RBFOX1: variants seen among roughly 807,000 people sequenced by gnomAD.
The protein encoded by RBFOX1 is RNA binding protein fox-1 homolog 1.
RBFOX1 carries 8 observed loss-of-function variants against 57.7 expected under a neutral mutation model. That is an observed-to-expected ratio of 0.14 (90% CI 0.08 to 0.25). The LOEUF is 0.25. RBFOX1 is among the 10% of genes least tolerant of loss of function. RBFOX1 has a pLI of 1.00. For synonymous variants in RBFOX1, 326 were observed against 222.4 expected (o/e 1.47, Z -4.15); for missense variants, 611 against 548.5 (o/e 1.11, Z -1.14).
At chr16:7,309,508 C>T (rs569553106) in intron 4 of RBFOX1, among the ~76,000 whole-genome samples, 2 of 152,348 alleles carry the variant, frequency 1.3e-5, no homozygotes, top group South Asian at 4.1e-4. Flanking sequence ...CTGGCCGCTC[C>T]TGCCTTTGCC....
At chr16:7,453,767 A>T (rs1433633117) in intron 4 of RBFOX1, among the ~76,000 whole-genome samples, 1 of 152,178 alleles carries the variant, frequency 6.6e-6, no homozygotes, top group South Asian at 2.1e-4. Flanking sequence ...GAAACCACTG[A>T]CTGAAGTGTT....
chr16:6,231,755 C>A (rs2097462185), intron 1 of RBFOX1, among the ~76,000 whole-genome samples: 1 of 151,274 alleles, frequency 6.6e-6, no homozygotes, highest in Admixed American at 6.6e-5. Flanking sequence ...GTGCCATTCT[C>A]TGATGGCCTT....
intron 3 of RBFOX1, among the ~76,000 whole-genome samples, chr16:6,944,375 C>A (rs187317576): frequency 2.3e-5 from 3 of 132,328 alleles, no homozygotes; most frequent in African/African-American, 5.7e-5. Flanking sequence ...AGCCTGGCAA[C>A]AGAGCAAGAC....
chr16:7,594,388 G>C (rs1414957699), intron 7 of RBFOX1, among the ~76,000 whole-genome samples: 1 of 152,172 alleles, frequency 6.6e-6, no homozygotes, highest in Non-Finnish European at 1.5e-5. Context: ...ATTTCACCCA[G>C]TTTACAGTGA....
intron 3 of RBFOX1, among the ~76,000 whole-genome samples, chr16:6,863,333 A>C (rs1428135317): frequency 6.6e-6 from 1 of 152,086 alleles, no homozygotes; most frequent in Non-Finnish European, 1.5e-5. Flanking sequence ...GTAGAGACAA[A>C]ACGTGGCTCA....
At chr16:6,737,321 C>G (rs1742451698) in intron 3 of RBFOX1, among the ~76,000 whole-genome samples, 1 of 151,984 alleles carries the variant, frequency 6.6e-6, no homozygotes, top group African/African-American at 2.4e-5. Flanking sequence ...TTATAGATTT[C>G]TTGTTTAGAA....
chr16:5,848,850 G>A (rs1452885442), intron 3 of RBFOX1, among the ~76,000 whole-genome samples: 2 of 152,124 alleles, frequency 1.3e-5, no homozygotes. Context: ...TTGGGAGGCT[G>A]AGGCAGGAGA....
chr16:7,298,403 G>C (rs1005639336), intron 4 of RBFOX1, among the ~76,000 whole-genome samples: 4 of 149,358 alleles, frequency 2.7e-5, no homozygotes, highest in East Asian at 4.0e-4. Context: ...ATTCTCATGC[G>C]TCTGCCTCCC....
At chr16:7,223,867 A>C (rs2092914919) in intron 4 of RBFOX1, among the ~76,000 whole-genome samples, 1 of 151,896 alleles carries the variant, frequency 6.6e-6, no homozygotes, top group Non-Finnish European at 1.5e-5. Flanking sequence ...AAAAACCATA[A>C]ATCTGTTATG....
intron 3 of RBFOX1, among the ~76,000 whole-genome samples, chr16:6,961,034 T>A (rs11861457): frequency 6.8e-6 from 1 of 147,272 alleles, no homozygotes; most frequent in Non-Finnish European, 1.5e-5. Context: ...GTCCAGCTAC[T>A]CAGGAGGCTG....
At chr16:7,057,338 A>C (rs183058153) in intron 4 of RBFOX1, among the ~76,000 whole-genome samples, 4 of 152,312 alleles carry the variant, frequency 2.6e-5, no homozygotes, top group African/African-American at 9.6e-5. Flanking sequence ...CCTCCCAGGA[A>C]TCAGAGCTTA....
intron 4 of RBFOX1, among the ~76,000 whole-genome samples, chr16:7,471,091 G>C (rs1480476678): frequency 6.6e-6 from 1 of 152,056 alleles, no homozygotes; most frequent in Non-Finnish European, 1.5e-5. Context: ...TTCCCAACCA[G>C]TCTCTCTATA....
chr16:5,442,149 CT>C (rs2068104312), intron 1 of RBFOX1, among the ~76,000 whole-genome samples: 1 of 152,186 alleles, frequency 6.6e-6, no homozygotes, highest in Admixed American at 6.5e-5. Flanking sequence ...ACCAAGAAAA[CT>C]TCCTAGAAGA....
intron 2 of RBFOX1, among the ~76,000 whole-genome samples, chr16:6,494,088 G>A (rs2095700488): frequency 6.6e-6 from 1 of 152,158 alleles, no homozygotes; most frequent in South Asian, 2.1e-4. Context: ...GATAAATGTA[G>A]CATATGCAGT....
intron 2 of RBFOX1, among the ~76,000 whole-genome samples, chr16:6,583,905 C>T (rs2097570397): frequency 6.6e-6 from 1 of 151,560 alleles, no homozygotes; most frequent in Admixed American, 6.6e-5. Context: ...TTTGGCTGCA[C>T]TTGTTTGTAA....
chr16:7,400,176 G>C (rs1032785526), intron 4 of RBFOX1, among the ~76,000 whole-genome samples: 1 of 152,128 alleles, frequency 6.6e-6, no homozygotes, highest in African/African-American at 2.4e-5. Flanking sequence ...AATTATGCTA[G>C]AAGTTCTCAA....
chr16:7,478,865 A>G (rs2063286143), intron 4 of RBFOX1, among the ~76,000 whole-genome samples: 2 of 152,172 alleles, frequency 1.3e-5, no homozygotes, highest in African/African-American at 2.4e-5. Context: ...AGCGCCTTGA[A>G]ATAGCTCTGT....
At chr16:6,615,541 T>A (rs1054238379) in intron 2 of RBFOX1, among the ~76,000 whole-genome samples, 11 of 150,068 alleles carry the variant, frequency 7.3e-5, no homozygotes, top group African/African-American at 2.7e-4. Context: ...CATCTCTCCA[T>A]CCTGGGAGAA....
chr16:5,377,042 G>A (rs952939794), intron 1 of RBFOX1, among the ~76,000 whole-genome samples: 1 of 151,664 alleles, frequency 6.6e-6, no homozygotes, highest in African/African-American at 2.4e-5. Flanking sequence ...CCACTTCTGG[G>A]GGAGCCCAAA....
Sources: gnomAD v4.1 joint callset for allele counts (sites outside exome capture counted in the v4.1 genomes callset) on GRCh38, gnomAD v4.1.1 for gene constraint, MANE v1.5 for transcripts, NCBI Gene and HGNC (gene_info 2026-07-23, HGNC 2026-07-21) for gene names.